CREB3L2: variants seen among roughly 807,000 people sequenced by gnomAD.
CREB3L2 encodes the protein cyclic AMP-responsive element-binding protein 3-like protein 2.
CREB3L2 carries 23 observed loss-of-function variants against 57.2 expected under a neutral mutation model. That is an observed-to-expected ratio of 0.40 (90% CI 0.29 to 0.57). CREB3L2 has a LOEUF of 0.57. Among genes scored for constraint, CREB3L2 ranks in the 20% least tolerant of loss-of-function variants. The probability of loss-of-function intolerance (pLI) is 0.42; values close to 1 mark genes in which losing one functional copy is unlikely to be tolerated. For missense variants in CREB3L2, 628 were observed against 634.7 expected, an observed-to-expected ratio of 0.99 and a Z score of 0.11; for synonymous variants, 268 against 265.1, an observed-to-expected ratio of 1.01 and a Z score of -0.11.
At position 137,879,997 on chromosome 7, in the gene CREB3L2, G is replaced by T. The variant is rs1799256338; in HGVS notation, c.*479C>A. The T allele has an allele frequency of 4.1e-6, 1 of 243,068 alleles. No individual in the cohort carries two copies. The highest frequency in any genetic ancestry group is 8.1e-6 in the Non-Finnish European group (1 of 123,962). The allele number at this position is 243,068 out of a possible 1,614,324, so 15.1% of individuals were successfully genotyped here. A position where few individuals can be genotyped will look rare whatever the true frequency, so the allele number is the denominator to read the frequency against. Reference sequence around the variant, plus strand: ...AGTGGGCGGAGGGCTGCTGTCGGGGGTGTTCACACCAGAGACCCCAGTGCG... The same window carrying T: ...AGTGGGCGGAGGGCTGCTGTCGGGGTTGTTCACACCAGAGACCCCAGTGCG... On this transcript the variant is annotated 3_prime_UTR_variant, in exon 12 of 12. Transcript: ENST00000330387.
chr7:137,955,617 G>A (rs756767941), intron 1 of CREB3L2, among the ~76,000 whole-genome samples: 11 of 152,090 alleles, frequency 7.2e-5, no homozygotes, highest in Non-Finnish European at 1.2e-4. Context: ...CTTTTCAAAT[G>A]TAAATCTGCA....
At chr7:137,928,068 T>C in intron 2 of CREB3L2, 82 bp downstream of exon 2, 1 of 1,078,106 alleles carries the variant, frequency 9.3e-7, no homozygotes, top group South Asian at 1.4e-5. Flanking sequence ...ACACCCTCTT[T>C]AATATAATAC....
intron 6 of CREB3L2, among the ~76,000 whole-genome samples, chr7:137,905,318 C>T (rs1799860994): frequency 6.9e-6 from 1 of 143,992 alleles, no homozygotes; most frequent in Non-Finnish European, 1.5e-5. Context: ...TATATAGATA[C>T]ATAGAGTACA....
At chr7:137,978,711 G>C (rs769324272) in intron 1 of CREB3L2, among the ~76,000 whole-genome samples, 11 of 152,196 alleles carry the variant, frequency 7.2e-5, no homozygotes, top group Admixed American at 1.3e-4. Context: ...TGAGAGGAAG[G>C]GGGGCTATCC....
intron 1 of CREB3L2, among the ~76,000 whole-genome samples, chr7:137,970,959 A>T (rs752975426): frequency 1.3e-5 from 2 of 152,340 alleles, no homozygotes; most frequent in East Asian, 1.9e-4. Context: ...TGGGTGCCTC[A>T]GTGTGAGATA....
intron 1 of CREB3L2, among the ~76,000 whole-genome samples, chr7:137,949,438 G>C (rs1412546898): frequency 1.3e-5 from 2 of 152,232 alleles, no homozygotes; most frequent in Non-Finnish European, 2.9e-5. Context: ...TCTAGGTTTT[G>C]TTTCTCCAGT....
chr7:137,891,041 A>G (rs1799519563), intron 8 of CREB3L2, among the ~76,000 whole-genome samples: 1 of 152,236 alleles, frequency 6.6e-6, no homozygotes, highest in Non-Finnish European at 1.5e-5. Context: ...ATCTTAATTT[A>G]GAGAAAGGAA....
intron 1 of CREB3L2, among the ~76,000 whole-genome samples, chr7:137,983,350 G>T (rs1201242071): frequency 6.6e-6 from 1 of 152,206 alleles, no homozygotes; most frequent in Non-Finnish European, 1.5e-5. Context: ...GAGCTACCAG[G>T]CAGTGGGGAA....
chr7:137,883,882 T>C (rs1172845997), intron 10 of CREB3L2, among the ~76,000 whole-genome samples: 2 of 152,216 alleles, frequency 1.3e-5, no homozygotes, highest in African/African-American at 4.8e-5. Context: ...TGTGAATTTG[T>C]GTGTGTATTC....
chr7:137,947,801 T>C (rs1314894969), intron 1 of CREB3L2, among the ~76,000 whole-genome samples: 5 of 152,198 alleles, frequency 3.3e-5, no homozygotes, highest in Non-Finnish European at 5.9e-5. Context: ...ATAAGACACA[T>C]TTCTTAACTG....
At position 137,915,849 on chromosome 7, in the gene CREB3L2, T is replaced by A. The variant is rs765142233; in HGVS notation, c.483A>T (p.Glu161Asp). The A allele has an allele frequency of 1.2e-6, 2 of 1,614,002 alleles. No homozygotes were observed. The highest frequency in any genetic ancestry group is 1.7e-6 in the Non-Finnish European group (2 of 1,179,940). ...AAATTGAGCATACCCCAGTGTTCATTTCCAGAGGAGGTTCCTCCTTTTCCA... is the reference window on the plus strand; with the variant it reads ...AAATTGAGCATACCCCAGTGTTCATATCCAGAGGAGGTTCCTCCTTTTCCA... ...TPLEKEEPPL[E>D]MNTGVDSSCQ... The change falls in exon 3 of 12, where the codon GAA (glutamate) becomes GAT (aspartate). Residue 161 changes from glutamate to aspartate, a missense_variant. Glu to Asp is a conservative substitution (Grantham distance 45). Coordinates refer to ENST00000330387, the MANE Select transcript of CREB3L2 (RefSeq NM_194071.4).
At chr7:137,895,031 A>G (rs1799598215) in intron 8 of CREB3L2, among the ~76,000 whole-genome samples, 1 of 152,348 alleles carries the variant, frequency 6.6e-6, no homozygotes, top group Non-Finnish European at 1.5e-5. Flanking sequence ...CTAAGCTCCT[A>G]TGATTCTACA....
chr7:137,927,499 T>G (rs571287038), intron 2 of CREB3L2, among the ~76,000 whole-genome samples: 47 of 152,052 alleles, frequency 3.1e-4, no homozygotes, highest in African/African-American at 1.1e-3. Flanking sequence ...AAAATTACAC[T>G]TAAAAGATAT....
At chr7:137,959,332 A>G (rs984583008) in intron 1 of CREB3L2, among the ~76,000 whole-genome samples, 1 of 152,204 alleles carries the variant, frequency 6.6e-6, no homozygotes, top group African/African-American at 2.4e-5. Context: ...AGACAGGACT[A>G]GTCTCTGGGT....
intron 1 of CREB3L2, among the ~76,000 whole-genome samples, chr7:137,941,912 T>C (rs1800886649): frequency 6.6e-6 from 1 of 152,206 alleles, no homozygotes; most frequent in South Asian, 2.1e-4. Flanking sequence ...CCATAAAAAA[T>C]GATGAAGGTC....
intron 1 of CREB3L2, among the ~76,000 whole-genome samples, chr7:137,995,421 A>AC: frequency 7.5e-6 from 1 of 132,896 alleles, no homozygotes; most frequent in East Asian, 2.2e-4. Context: ...TGCAACCTCC[A>AC]CCCCCCAGGT....
chr7:137,906,996 T>A (rs1299899248), intron 5 of CREB3L2, among the ~76,000 whole-genome samples: 1 of 152,122 alleles, frequency 6.6e-6, no homozygotes. Context: ...TAGCTAAAGG[T>A]GTACTAAAAA....
At chr7:137,943,536 A>G (rs933162199) in intron 1 of CREB3L2, among the ~76,000 whole-genome samples, 2 of 152,088 alleles carry the variant, frequency 1.3e-5, no homozygotes, top group South Asian at 2.1e-4. Flanking sequence ...CTCCTCAACC[A>G]AACCTCCTTT....
At chr7:137,888,421 G>A (rs548942473) in intron 8 of CREB3L2, among the ~76,000 whole-genome samples, 3 of 152,142 alleles carry the variant, frequency 2.0e-5, no homozygotes, top group Admixed American at 6.5e-5. Context: ...GTTCTCCCAG[G>A]ACTTCCCCAG....
Sources: gnomAD v4.1 joint callset for allele counts (sites outside exome capture counted in the v4.1 genomes callset) on GRCh38, gnomAD v4.1.1 for gene constraint, MANE v1.5 for transcripts, NCBI Gene and HGNC (gene_info 2026-07-23, HGNC 2026-07-21) for gene names.